Variants in SLC6A15 observed in about 807,000 individuals in gnomAD.
SLC6A15 encodes the protein sodium-dependent neutral amino acid transporter B(0)AT2.
Under a neutral mutation model 68.5 loss-of-function variants are expected in SLC6A15, and 33 were observed. The ratio of observed to expected loss-of-function variants is 0.48; its 90% CI spans 0.37 to 0.64. The LOEUF is 0.64. Ranked by LOEUF, SLC6A15 falls within the 30% of genes least tolerant of loss-of-function variation. The pLI, the probability that SLC6A15 is intolerant of heterozygous loss-of-function variation, is 0.00. For synonymous variants in SLC6A15, 347 were observed against 301.0 expected (o/e 1.15, Z -1.58); for missense variants, 747 against 874.3 (o/e 0.85, Z 1.84).
intron 5 of SLC6A15, chr12:84,883,198 A>G: frequency 2.0e-6 from 2 of 984,748 alleles, no homozygotes; most frequent in Non-Finnish European, 2.4e-6. Context: ...GTGAATAGCA[A>G]TTACTTTCCT....
At chr12:84,867,254 T>C in intron 9 of SLC6A15, 61 bp from the exon 10 acceptor site, 2 of 1,275,820 alleles carry the variant, frequency 1.6e-6, no homozygotes, top group East Asian at 2.7e-5. Context: ...CTTTAAACTT[T>C]ATTATAAATT....
chr12:84,881,139 A>T (rs1443406785), intron 5 of SLC6A15: 3 of 154,502 alleles, frequency 1.9e-5, no homozygotes, highest in Non-Finnish European at 1.4e-5. Context: ...GTTAAAAGCA[A>T]GCTTGGGGCT....
chr12:84,883,242 A>G, intron 5 of SLC6A15: 1 of 985,216 alleles, frequency 1.0e-6, no homozygotes. Flanking sequence ...CAAACAAGCT[A>G]CCTAGAATTC....
chr12:84,888,294 A>G (rs1047676244), intron 2 of SLC6A15, among the ~76,000 whole-genome samples: 1 of 151,628 alleles, frequency 6.6e-6, no homozygotes, highest in Admixed American at 6.6e-5. Flanking sequence ...ACAAAAACAA[A>G]AAAAAGACAC....
chr12:84,872,808 C>T lies in SLC6A15; in HGVS notation c.1110-14G>A. 3.1e-6 allele frequency: 5 copies of T among 1,590,080 alleles called. No individual in the cohort carries two copies. The highest frequency in any genetic ancestry group is 4.3e-6 in the Non-Finnish European group (5 of 1,169,200). ...GTCTCTGAATTTCTGAAAAATAAAA[C>T]AACATACAAATGAGCACATAAGAGT... On this transcript the variant is annotated splice_polypyrimidine_tract_variant and intron_variant, in intron 7 of 11. Coordinates refer to ENST00000266682, the MANE Select transcript of SLC6A15 (RefSeq NM_182767.6).
At chr12:84,872,878 T>G (rs544530009) in intron 7 of SLC6A15, 84 bp from the exon 8 acceptor site, 216 of 1,234,862 alleles carry the variant, frequency 1.7e-4, no homozygotes, top group Middle Eastern at 2.8e-4. Context: ...TATAAGCTAA[T>G]GAATGAGCAA....
At chr12:84,894,597 T>A (rs1872556949) in intron 1 of SLC6A15, among the ~76,000 whole-genome samples, 1 of 152,062 alleles carries the variant, frequency 6.6e-6, no homozygotes, top group Admixed American at 6.6e-5. Context: ...TCCCCCAAAT[T>A]TTTACGGAAA....
chr12:84,864,320 C>CTTTTTTTT (rs551232166), intron 10 of SLC6A15, among the ~76,000 whole-genome samples: 14 of 131,730 alleles, frequency 1.1e-4, no homozygotes, highest in East Asian at 2.2e-4. Context: ...TTCTTTCTTT[C>CTTTTTTTT]TTTTTTTTTT....
intron 8 of SLC6A15, among the ~76,000 whole-genome samples, chr12:84,872,001 T>C (rs1478625960): frequency 1.3e-5 from 2 of 151,906 alleles, no homozygotes; most frequent in Non-Finnish European, 2.9e-5. Flanking sequence ...CTACTAAAAT[T>C]ACAAAAATTA....
At chr12:84,909,378 G>C (rs1287961177) in intron 1 of SLC6A15, among the ~76,000 whole-genome samples, 2 of 152,174 alleles carry the variant, frequency 1.3e-5, no homozygotes, top group Non-Finnish European at 2.9e-5. Context: ...CTCTGCATTT[G>C]AAATTGCCCT....
At chr12:84,890,400 C>CA (rs1478313285) in intron 2 of SLC6A15, among the ~76,000 whole-genome samples, 1 of 151,848 alleles carries the variant, frequency 6.6e-6, no homozygotes, top group African/African-American at 2.4e-5. Flanking sequence ...ACTTACAAGG[C>CA]AAAAAAGTCT....
intron 5 of SLC6A15, chr12:84,883,542 T>C (rs1871928510): frequency 7.6e-7 from 1 of 1,314,040 alleles, no homozygotes; most frequent in Admixed American, 3.7e-5. Context: ...AATTGGTAAT[T>C]AGAGAACTGA....
At chr12:84,885,868 A>G (rs1872075231) in intron 3 of SLC6A15, 43 bp downstream of exon 3, 2 of 1,519,192 alleles carry the variant, frequency 1.3e-6, no homozygotes, top group Non-Finnish European at 1.8e-6. Flanking sequence ...ATAATTTGAA[A>G]CCCTATAAAG....
intron 1 of SLC6A15, among the ~76,000 whole-genome samples, chr12:84,909,516 G>A (rs1873339277): frequency 6.6e-6 from 1 of 152,164 alleles, no homozygotes; most frequent in African/African-American, 2.4e-5. Flanking sequence ...AGAGTGGTAT[G>A]ATAAGCAAAG....
chr12:84,887,082 A>G (rs548121105), intron 2 of SLC6A15, among the ~76,000 whole-genome samples: 2 of 152,180 alleles, frequency 1.3e-5, no homozygotes, highest in Non-Finnish European at 2.9e-5. Flanking sequence ...TCGTTCCTAC[A>G]TGAGGCTACA....
intron 1 of SLC6A15, among the ~76,000 whole-genome samples, 165 bp downstream of exon 1, chr12:84,912,358 G>A (rs1337833830): frequency 6.6e-6 from 1 of 151,986 alleles, no homozygotes; most frequent in Non-Finnish European, 1.5e-5. Context: ...CTCCCTCCCA[G>A]GGCTTTTGAG....
rs959034887 is a variant in SLC6A15 at position 84,869,359 on chromosome 12, G to T, written c.1495+1119C>A. Among the ~76,000 whole-genome samples the T allele has an allele frequency of 5.9e-5, 9 of 151,808 alleles. 1 individual carries two copies. Among genetic ancestry groups the T allele is most frequent in the Admixed American group, 5.3e-4 (8 of 15,222 alleles). ...CGCCTGTAGTCCCAGCTACTCGGGA[G>T]GCTGAGGCAGGAGAATGGCGTGAAC... On this transcript the variant is annotated intron_variant, in intron 9 of 11. Transcript: ENST00000266682.
intron 6 of SLC6A15, among the ~76,000 whole-genome samples, chr12:84,874,803 T>C (rs930200255): frequency 3.3e-5 from 5 of 152,172 alleles, no homozygotes; most frequent in Non-Finnish European, 5.9e-5. Flanking sequence ...CTGAACTAAA[T>C]CTCCACTCAC....
chr12:84,882,955 G>A (rs543269559), intron 5 of SLC6A15: 3 of 871,102 alleles, frequency 3.4e-6, no homozygotes, highest in Admixed American at 6.2e-5. Context: ...TATTGCTGCT[G>A]CTACTACTAC....
Sources: allele counts gnomAD v4.1 joint callset (sites outside exome capture counted in the v4.1 genomes callset), GRCh38; gene constraint gnomAD v4.1.1; transcripts MANE v1.5; gene names NCBI Gene and HGNC (gene_info 2026-07-23, HGNC 2026-07-21).